The following SLCO2A1 variants were observed in gnomAD, a reference collection of about 807,000 sequenced individuals.
SLCO2A1 encodes solute carrier organic anion transporter family member 2A1.
In SLCO2A1, 60 loss-of-function variants were observed where a neutral mutation model predicts 71.7. That is an observed-to-expected ratio of 0.84 (90% CI 0.68 to 1.04). The LOEUF (loss-of-function observed/expected upper bound fraction) is 1.04. Among genes scored for constraint, SLCO2A1 ranks in the 50% least tolerant of loss-of-function variants. The probability of loss-of-function intolerance (pLI) is 0.00; values close to 1 mark genes in which losing one functional copy is unlikely to be tolerated. For synonymous variants in SLCO2A1, 308 were observed against 326.7 expected (o/e 0.94, Z 0.62); for missense variants, 745 against 813.4 (o/e 0.92, Z 1.02).
chr3:134,029,029 TG>T lies in SLCO2A1; in HGVS notation c.96+677del, dbSNP rs571898966. Among the ~76,000 whole-genome samples the T allele has an allele frequency of 2.3e-3, 344 of 152,304 alleles. 1 individual carries two copies. Among genetic ancestry groups the T allele is most frequent in the Middle Eastern group, 0.014 (4 of 294 alleles). ...TTAGACCTTACTGAACCGTGAGAGC[TG>T]TGACCTTCCTGGGGCCATTTCCAGA... is the stretch of plus-strand genomic sequence containing the variant. On this transcript the variant is annotated intron_variant, in intron 1 of 13. Transcript: ENST00000310926.
At chr3:134,005,862 A>G (rs1362752954) in intron 1 of SLCO2A1, among the ~76,000 whole-genome samples, 1 of 151,912 alleles carries the variant, frequency 6.6e-6, no homozygotes, top group Non-Finnish European at 1.5e-5. Context: ...CATGAAGTTT[A>G]TTTTTGGCTG....
chr3:133,955,617 G>C (rs949266039), intron 3 of SLCO2A1, among the ~76,000 whole-genome samples: 1 of 152,156 alleles, frequency 6.6e-6, no homozygotes, highest in Non-Finnish European at 1.5e-5. Flanking sequence ...CCAGCACCCT[G>C]TGCTCAGCCC....
chr3:133,945,164 G>A lies in SLCO2A1; in HGVS notation c.1392C>T (p.Ile464=), dbSNP rs750935553. The A allele has an allele frequency of 8.1e-6, 13 of 1,614,114 alleles. No homozygotes were observed. Among genetic ancestry groups the A allele is most frequent in the Middle Eastern group, 1.7e-4 (1 of 6,058 alleles). Residue 464 remains isoleucine (I), a synonymous_variant, in exon 10 of 14, where the codon ATC becomes ATT. Coordinates refer to ENST00000310926, the MANE Select transcript of SLCO2A1 (RefSeq NM_005630.3). ...CGGCATGGCAAGGGGAGAGGTACTC[G>A]ATTCCATTGTCTCCACAGACCGGGT... ...IFHPVCGDNG[I]EYLSPCHAGC...
At chr3:133,955,238 G>A (rs776301033) in intron 3 of SLCO2A1, 45 bp from the exon 4 acceptor site, 4 of 1,543,522 alleles carry the variant, frequency 2.6e-6, no homozygotes, top group Non-Finnish European at 2.6e-6. Context: ...TGGTCTCCTG[G>A]TTCCACCGGC....
At position 133,948,873 on chromosome 3, in the gene SLCO2A1, A is replaced by G; in HGVS notation, c.940+20T>C. ...TCCCCCGCACTGTGCCAGCCCACCC[A>G]GGGCTGTAGGGTCAGTTACGTTTAA... On this transcript the variant is annotated intron_variant, in intron 7 of 13. Coordinates refer to ENST00000310926, the MANE Select transcript of SLCO2A1 (RefSeq NM_005630.3). The G allele has an allele frequency of 6.2e-7, 1 of 1,609,586 alleles. No homozygotes were observed.
At chr3:134,013,626 A>G (rs1320313379) in intron 1 of SLCO2A1, among the ~76,000 whole-genome samples, 3 of 152,194 alleles carry the variant, frequency 2.0e-5, no homozygotes, top group African/African-American at 7.2e-5. Context: ...CAGATAAACT[A>G]GTTCCAATGT....
In SLCO2A1 at chr3:133,992,843, C is replaced by A. The variant is rs369581752; in HGVS notation, c.97-13225G>T. On this transcript the variant is annotated intron_variant, in intron 1 of 13. Coordinates refer to ENST00000310926, the MANE Select transcript of SLCO2A1 (RefSeq NM_005630.3). ...GAGCCACTTTCATTGGCTGTTAAAT[C>A]CCCTGCATTTGCCATCTTCAATCCG... Among the ~76,000 whole-genome samples, 295 of 152,290 alleles carry A rather than the reference C, an allele frequency of 1.9e-3. 1 individual carries two copies. Among genetic ancestry groups the A allele is most frequent in the African/African-American group, 6.3e-3 (263 of 41,562 alleles).
At chr3:133,967,578 C>T (rs1354337788) in intron 3 of SLCO2A1, among the ~76,000 whole-genome samples, 1 of 152,184 alleles carries the variant, frequency 6.6e-6, no homozygotes, top group East Asian at 1.9e-4. Flanking sequence ...GTTCAGGGCT[C>T]TATTTCTCTC....
intron 1 of SLCO2A1, among the ~76,000 whole-genome samples, chr3:134,010,726 C>T (rs1165663167): frequency 7.6e-6 from 1 of 131,232 alleles, no homozygotes; most frequent in Non-Finnish European, 1.5e-5. Context: ...TGCACTCCAG[C>T]CTGGTGACAG....
At chr3:133,961,815 G>A (rs1934043209) in intron 3 of SLCO2A1, among the ~76,000 whole-genome samples, 1 of 152,142 alleles carries the variant, frequency 6.6e-6, no homozygotes, top group African/African-American at 2.4e-5. Context: ...CAACTCAATA[G>A]GGCCCAAACC....
At chr3:133,996,919 T>A (rs1345315072) in intron 1 of SLCO2A1, among the ~76,000 whole-genome samples, 1 of 152,194 alleles carries the variant, frequency 6.6e-6, no homozygotes, top group Non-Finnish European at 1.5e-5. Flanking sequence ...GAAGGCTTTG[T>A]CCAACATTCA....
At chr3:133,962,531 G>A (rs895031158) in intron 3 of SLCO2A1, among the ~76,000 whole-genome samples, 17 of 152,274 alleles carry the variant, frequency 1.1e-4, no homozygotes, top group African/African-American at 3.4e-4. Context: ...CACCAACCCC[G>A]TGGGCAGCCT....
intron 1 of SLCO2A1, among the ~76,000 whole-genome samples, chr3:134,004,168 G>A (rs1935158348): frequency 6.6e-6 from 1 of 152,038 alleles, no homozygotes; most frequent in South Asian, 2.1e-4. Context: ...GTTGAACCAT[G>A]TGTTAGACAA....
chr3:133,988,740 A>T (rs1017330960), intron 1 of SLCO2A1, among the ~76,000 whole-genome samples: 2 of 152,206 alleles, frequency 1.3e-5, no homozygotes, highest in Non-Finnish European at 2.9e-5. Flanking sequence ...AGTCCCTCCC[A>T]ACCTCTGAAA....
chr3:133,986,633 G>A (rs185757445), intron 1 of SLCO2A1, among the ~76,000 whole-genome samples: 158 of 152,332 alleles, frequency 1.0e-3, no homozygotes, highest in African/African-American at 3.4e-3. Flanking sequence ...GAGTGGCCAC[G>A]AAGTTCTTTA....
At chr3:134,010,119 C>T (rs1406571133) in intron 1 of SLCO2A1, among the ~76,000 whole-genome samples, 1 of 152,204 alleles carries the variant, frequency 6.6e-6, no homozygotes, top group Admixed American at 6.5e-5. Flanking sequence ...CCATACACCA[C>T]CCTATGTTTT....
chr3:133,952,359 A>G (rs1933765953), intron 5 of SLCO2A1, among the ~76,000 whole-genome samples: 1 of 152,240 alleles, frequency 6.6e-6, no homozygotes, highest in Non-Finnish European at 1.5e-5. Flanking sequence ...AGCACCTGCC[A>G]GATATCTGTG....
At chr3:133,957,335 C>T (rs953464253) in intron 3 of SLCO2A1, among the ~76,000 whole-genome samples, 1 of 152,174 alleles carries the variant, frequency 6.6e-6, no homozygotes, top group Admixed American at 6.5e-5. Context: ...AGTCCTAGCA[C>T]CAGAAATGTC....
At chr3:134,001,819 T>G (rs1024254287) in intron 1 of SLCO2A1, among the ~76,000 whole-genome samples, 2 of 152,146 alleles carry the variant, frequency 1.3e-5, no homozygotes, top group African/African-American at 4.8e-5. Context: ...GAGGCATGCT[T>G]GCTCCTCTCC....
Sources: gnomAD v4.1 joint callset for allele counts (sites outside exome capture counted in the v4.1 genomes callset) on GRCh38, gnomAD v4.1.1 for gene constraint, MANE v1.5 for transcripts, NCBI Gene and HGNC (gene_info 2026-07-23, HGNC 2026-07-21) for gene names.